ZNF782: variants seen among roughly 807,000 people sequenced by gnomAD.
ZNF782 encodes zinc finger protein 782.
ZNF782 carries 12 observed loss-of-function variants against 13.0 expected under a neutral mutation model. That is an observed-to-expected ratio of 0.92 (90% CI 0.59 to 1.50). The LOEUF is 1.50. ZNF782 is among the 40% of genes most tolerant of loss of function. The pLI is 0.00. For synonymous variants in ZNF782, 284 were observed against 283.0 expected, an observed-to-expected ratio of 1.00 and a Z score of -0.04; for missense variants, 770 against 822.9, an observed-to-expected ratio of 0.94 and a Z score of 0.79.
chr9:96,910,135 G>C, the ZNF782 span: 1 of 785,288 alleles, frequency 1.3e-6, no homozygotes, highest in South Asian at 1.3e-5. Flanking sequence ...TAAAGGAGAA[G>C]AAGGAAGTTG....
Position 96,819,714 on chromosome 9 carries a change from T to C in ZNF782, c.309A>G (p.Gln103=), listed in dbSNP as rs554007795. 6.2e-7 allele frequency: 1 copy of C among 1,612,848 alleles called. No homozygotes were observed. Among genetic ancestry groups the C allele is most frequent in the Admixed American group, 1.7e-5 (1 of 59,726 alleles). The change falls in exon 6 of 6, where the codon CAA becomes CAG. Residue 103 remains glutamine (Q), a synonymous_variant. Transcript: ENST00000481138. ...SPENQGKHLL[Q]VLFTNKLLTT... ...TCAATAATTTATTGGTGAATAAAAC[T>C]TGCAACAAATGTTTGCCTTGATTTT...
At chr9:96,932,295 C>T in the ZNF782 span, 881 of 1,613,134 alleles carry the variant, frequency 5.5e-4, 1 homozygote, top group African/African-American at 7.5e-3. Flanking sequence ...AAGGCCCGGC[C>T]GGACGACTCC....
intron 1 of ZNF782, among the ~76,000 whole-genome samples, chr9:96,866,424 C>T (rs560391690): frequency 6.6e-6 from 1 of 152,226 alleles, no homozygotes; most frequent in African/African-American, 2.4e-5. Flanking sequence ...GCACAGAAGT[C>T]AAGAATTGAA....
exon 1 of ZNF782, chr9:96,875,571 A>C: frequency 2.2e-6 from 1 of 456,716 alleles, no homozygotes; most frequent in Non-Finnish European, 4.4e-6. Flanking sequence ...CAACGTTTAT[A>C]AACGGGCTCT....
At chr9:96,844,227 A>C (rs1207457388) in intron 4 of ZNF782, among the ~76,000 whole-genome samples, 1 of 152,212 alleles carries the variant, frequency 6.6e-6, no homozygotes, top group Non-Finnish European at 1.5e-5. Flanking sequence ...AGACCTGGCA[A>C]GCTCACTCCT....
chr9:96,859,382 GA>G (rs1851679242), upstream of ZNF782, among the ~76,000 whole-genome samples: 1 of 152,112 alleles, frequency 6.6e-6, no homozygotes, highest in African/African-American at 2.4e-5. Context: ...TCTTCCGCTT[GA>G]GGAGAGGAGA....
chr9:96,848,097 A>G (rs930657611), intron 3 of ZNF782, among the ~76,000 whole-genome samples: 1 of 152,180 alleles, frequency 6.6e-6, no homozygotes, highest in Non-Finnish European at 1.5e-5. Flanking sequence ...TGCAGAAAAA[A>G]CATTTGACAA....
At chr9:96,912,037 T>C in the ZNF782 span, among the ~76,000 whole-genome samples, 23 of 150,574 alleles carry the variant, frequency 1.5e-4, no homozygotes, top group Non-Finnish European at 3.0e-4. Context: ...CTATCACTAC[T>C]AAAAATACAA....
chr9:96,821,685 T>TTC (rs1218470831), intron 5 of ZNF782, among the ~76,000 whole-genome samples: 3 of 149,498 alleles, frequency 2.0e-5, no homozygotes, highest in East Asian at 4.1e-4. Flanking sequence ...TTTTTTTTTT[T>TTC]CTTGAGACAG....
At position 96,838,362 on chromosome 9, in the gene ZNF782, A is replaced by G. The variant is rs925278904; in HGVS notation, c.142+6528T>C. ...ATTTTTCTATTGCTGTAGTCTAAAA[A>G]TGTCAGTAGATCCAAGTTGGCTGAC... On this transcript the variant is annotated intron_variant, in intron 4 of 5. Transcript: ENST00000481138. Among the ~76,000 whole-genome samples, 11 of 152,362 alleles carry G rather than the reference A, an allele frequency of 7.2e-5. 4 individuals are homozygous for G. The highest frequency in any genetic ancestry group is 7.2e-4 in the Admixed American group (11 of 15,300).
intron 5 of ZNF782, among the ~76,000 whole-genome samples, chr9:96,822,908 T>C (rs1026529685): frequency 2.6e-5 from 4 of 152,242 alleles, no homozygotes; most frequent in Non-Finnish European, 5.9e-5. Flanking sequence ...TGTTTGCAAT[T>C]TGCAGTTTTA....
At chr9:96,916,062 C>T in the ZNF782 span, among the ~76,000 whole-genome samples, 6 of 151,922 alleles carry the variant, frequency 3.9e-5, no homozygotes, top group East Asian at 3.9e-4. Flanking sequence ...AAAAACATCA[C>T]GAAATGCCAG....
chr9:96,847,385 C>T (rs1159172365), intron 3 of ZNF782, among the ~76,000 whole-genome samples: 3 of 151,994 alleles, frequency 2.0e-5, no homozygotes, highest in African/African-American at 7.2e-5. Context: ...AACAAAAAAG[C>T]TGGTTCCTGA....
At chr9:96,824,033 A>G (rs545006916) in intron 5 of ZNF782, among the ~76,000 whole-genome samples, 1 of 152,346 alleles carries the variant, frequency 6.6e-6, no homozygotes, top group East Asian at 1.9e-4. Context: ...AAAAAGAGGG[A>G]GTCCTCCCTA....
At chr9:96,899,962 G>A in the ZNF782 span, among the ~76,000 whole-genome samples, 1 of 151,694 alleles carries the variant, frequency 6.6e-6, no homozygotes, top group Non-Finnish European at 1.5e-5. Context: ...ACCACATCCC[G>A]CTAATTTTTT....
chr9:96,823,625 C>G (rs1000372402), intron 5 of ZNF782, among the ~76,000 whole-genome samples: 1 of 152,120 alleles, frequency 6.6e-6, no homozygotes, highest in Non-Finnish European at 1.5e-5. Context: ...CAAGATTACG[C>G]TATAGAGGTA....
intron 4 of ZNF782, among the ~76,000 whole-genome samples, chr9:96,844,579 G>A (rs1030023856): frequency 6.6e-5 from 10 of 152,162 alleles, no homozygotes; most frequent in Non-Finnish European, 1.0e-4. Flanking sequence ...GGGTTGTGGA[G>A]GAAGGGATGG....
chr9:96,876,943 C>CAAAAAAAAAAAAAA (rs398011569), upstream of ZNF782, among the ~76,000 whole-genome samples: 63 of 42,816 alleles, frequency 1.5e-3, no homozygotes, highest in Middle Eastern at 0.029. Context: ...AACTCCGACT[C>CAAAAAAAAAAAAAA]AAAAAAAAAA....
the ZNF782 span, among the ~76,000 whole-genome samples, chr9:96,921,888 T>C: frequency 6.7e-6 from 1 of 150,352 alleles, no homozygotes; most frequent in Non-Finnish European, 1.5e-5. Flanking sequence ...GAGACGGGGT[T>C]TCACCATGTT....
Sources: allele counts gnomAD v4.1 joint callset (sites outside exome capture counted in the v4.1 genomes callset), GRCh38; gene constraint gnomAD v4.1.1; transcripts MANE v1.5; gene names NCBI Gene and HGNC (gene_info 2026-07-23, HGNC 2026-07-21).